The following AMZ1 variants were observed in gnomAD, a reference collection of about 807,000 sequenced individuals.
The protein encoded by AMZ1 is archaelysin family metallopeptidase 1, also known as archaemetzincin-1.
A neutral mutation model predicts 29.9 loss-of-function variants in AMZ1; 39 were observed. The observed-to-expected ratio is 1.30, with a 90% CI of 1.01 to 1.70. The LOEUF is 1.70. AMZ1 is among the 40% of genes most tolerant of loss of function. AMZ1 has a pLI of 0.00. For synonymous variants in AMZ1, 458 were observed against 304.0 expected (o/e 1.51, Z -5.27); for missense variants, 1,041 against 680.6 (o/e 1.53, Z -5.89).
chr7:2,720,229 C>A (rs1486391958), downstream of AMZ1, among the ~76,000 whole-genome samples: 1 of 152,326 alleles, frequency 6.6e-6, no homozygotes, highest in African/African-American at 2.4e-5. Flanking sequence ...GGACGCCCAT[C>A]CACAAACACT....
rs1352662501 is a variant in AMZ1, at chr7:2,702,785, T to C, written c.368T>C (p.Phe123Ser). 6 of 1,544,988 alleles carry C rather than the reference T, an allele frequency of 3.9e-6. No homozygotes were observed. Among genetic ancestry groups the C allele is most frequent in the Non-Finnish European group, 5.2e-6 (6 of 1,147,960 alleles). The change falls in exon 3 of 7, where the codon TTC becomes TCC. Residue 123 changes from phenylalanine to serine, a missense_variant. By Grantham distance (155) the Phe-to-Ser change is radical. Transcript: ENST00000683327. ...LHQLCSCTEA[F>S]FLGLRVKCLP... ...CAGCTGTGCAGCTGCACAGAGGCCT[T>C]CTTCCTGGGCCTGCGCGTCAAGTGC...
chr7:2,739,378 A>G lies in AMZ1; in HGVS notation n.551-25334A>G, dbSNP rs115296995. Among the ~76,000 whole-genome samples, 198 of 152,274 alleles carry G rather than the reference A, an allele frequency of 1.3e-3. 2 individuals are homozygous for G. Among genetic ancestry groups the G allele is most frequent in the African/African-American group, 4.4e-3 (184 of 41,558 alleles). On this transcript the variant is annotated intron_variant and non_coding_transcript_variant, in intron 4 of 4. Coordinates refer to the AMZ1 transcript ENST00000489665. ...ATCTCTCATTGGAGCGCATTCACAC[A>G]GCATGCAGCCCTTTGTGTCTGGTTC...
chr7:2,696,743 G>A (rs1787771270), intron 1 of AMZ1, among the ~76,000 whole-genome samples: 1 of 151,936 alleles, frequency 6.6e-6, no homozygotes, highest in Non-Finnish European at 1.5e-5. Flanking sequence ...AAAATTAGCT[G>A]GGCATGGTGG....
At chr7:2,681,386 C>T (rs1468624686) in intron 1 of AMZ1, among the ~76,000 whole-genome samples, 2 of 152,052 alleles carry the variant, frequency 1.3e-5, no homozygotes, top group Non-Finnish European at 2.9e-5. Flanking sequence ...ATCCTCCCAT[C>T]TCAGCCTCCC....
rs1293916217 is a variant in AMZ1, at chr7:2,717,061, C to A, written c.*4183C>A. Among the ~76,000 whole-genome samples, 1 of 152,156 alleles carries A rather than the reference C, an allele frequency of 6.6e-6. No individual in the cohort carries two copies. Among genetic ancestry groups the A allele is most frequent in the Non-Finnish European group, 1.5e-5 (1 of 68,032 alleles). On this transcript the variant is annotated 3_prime_UTR_variant, in exon 7 of 7. Coordinates refer to ENST00000683327, the MANE Select transcript of AMZ1 (RefSeq NM_001384743.1). Reference sequence around the variant, plus strand: ...CCTGCACCCTGATCCCTGAGCAGCCCCCACACACCGGCACCCACGCCCCTC... The same window carrying A: ...CCTGCACCCTGATCCCTGAGCAGCCACCACACACCGGCACCCACGCCCCTC...
intron 3 of AMZ1, among the ~76,000 whole-genome samples, chr7:2,708,011 T>C (rs1006458955): frequency 6.6e-6 from 1 of 151,604 alleles, no homozygotes; most frequent in Non-Finnish European, 1.5e-5. Flanking sequence ...TTAGTAGAGA[T>C]GGGGTTTTGT....
At chr7:2,748,682 T>C (rs1474641664) in intron 4 of AMZ1, among the ~76,000 whole-genome samples, 29 of 148,724 alleles carry the variant, frequency 1.9e-4, no homozygotes, top group African/African-American at 6.2e-4. Flanking sequence ...AACTAAAGAG[T>C]TTCTGCACAG....
rs1787766861 is a variant in AMZ1, at chr7:2,696,671, A to G, written c.-218-3563A>G. On this transcript the variant is annotated intron_variant, in intron 1 of 6. Transcript: ENST00000683327. ...AGGCTGAGGTGGGCAGATCACCTTGAGGTCAGGAGTTCAAGACCAACCTGG... is the reference window on the plus strand; with the variant it reads ...AGGCTGAGGTGGGCAGATCACCTTGGGGTCAGGAGTTCAAGACCAACCTGG... Among the ~76,000 whole-genome samples the G allele has an allele frequency of 5.3e-5, 8 of 151,872 alleles. No individual in the cohort carries two copies. The South Asian group carries it at 1.7e-3, about 32-fold the overall frequency.
intron 6 of AMZ1, among the ~76,000 whole-genome samples, chr7:2,710,194 A>G (rs1439693942): frequency 7.1e-6 from 1 of 140,202 alleles, no homozygotes; most frequent in Admixed American, 6.7e-5. Flanking sequence ...TGCTGCTCAG[A>G]GGAGGCACAG....
At chr7:2,709,517 G>A in intron 5 of AMZ1, 123 bp from the exon 6 acceptor site, 5 of 1,429,730 alleles carry the variant, frequency 3.5e-6, no homozygotes, top group African/African-American at 1.4e-5. Flanking sequence ...AGGGCGCCTG[G>A]ACCACCTCCC....
intron 1 of AMZ1, among the ~76,000 whole-genome samples, chr7:2,696,402 G>A (rs948666178): frequency 2.4e-4 from 36 of 150,676 alleles, no homozygotes; most frequent in Non-Finnish European, 4.0e-4. Flanking sequence ...GACTACAGGC[G>A]CCCGCCACCA....
downstream of AMZ1, among the ~76,000 whole-genome samples, chr7:2,720,150 C>T (rs189102123): frequency 4.7e-4 from 71 of 152,350 alleles, 1 homozygote; most frequent in African/African-American, 1.6e-3. Context: ...CAGAGCTTTC[C>T]GTGCAAAGCG....
intron 4 of AMZ1, among the ~76,000 whole-genome samples, chr7:2,740,345 C>T (rs754981496): frequency 3.9e-5 from 6 of 152,042 alleles, no homozygotes; most frequent in East Asian, 1.9e-4. Flanking sequence ...CCTCATGATA[C>T]GATAGTGCCT....
At chr7:2,762,394 C>T (rs527495561), upstream of AMZ1, 288 of 453,422 alleles carry the variant, frequency 6.4e-4, 3 homozygotes, top group African/African-American at 5.5e-3. Flanking sequence ...ACTTTCCTCA[C>T]TGAGGAAACC....
intron 4 of AMZ1, among the ~76,000 whole-genome samples, chr7:2,737,335 C>T (rs1790259900): frequency 1.6e-5 from 2 of 126,170 alleles, no homozygotes; most frequent in Admixed American, 2.0e-4. Flanking sequence ...GTCGCCCCGG[C>T]TGGAGTGCAG....
intron 4 of AMZ1, chr7:2,728,025 A>C (rs1049277412): frequency 1.3e-5 from 2 of 152,016 alleles, no homozygotes; most frequent in Admixed American, 6.5e-5. Flanking sequence ...AAAAAAAAAA[A>C]AAATTAGGAT....
At chr7:2,759,102 T>C (rs1288158656) in intron 4 of AMZ1, among the ~76,000 whole-genome samples, 1 of 151,210 alleles carries the variant, frequency 6.6e-6, no homozygotes, top group South Asian at 2.1e-4. Flanking sequence ...ATTACACCAT[T>C]GCACTCAGCC....
chr7:2,751,871 A>G (rs1791057419), intron 4 of AMZ1, among the ~76,000 whole-genome samples: 1 of 152,216 alleles, frequency 6.6e-6, no homozygotes, highest in Non-Finnish European at 1.5e-5. Flanking sequence ...AAACAACAAC[A>G]AAACTTCCCC....
At chr7:2,721,777 C>T (rs1212635184), downstream of AMZ1, among the ~76,000 whole-genome samples, 1 of 151,382 alleles carries the variant, frequency 6.6e-6, no homozygotes, top group Non-Finnish European at 1.5e-5. Context: ...CACTTCTCAG[C>T]AGTGGCGGGG....
Sources: gnomAD v4.1 joint callset for allele counts (sites outside exome capture counted in the v4.1 genomes callset) on GRCh38, gnomAD v4.1.1 for gene constraint, MANE v1.5 for transcripts, NCBI Gene and HGNC (gene_info 2026-07-23, HGNC 2026-07-21) for gene names.